DNAJC6: variants seen among roughly 807,000 people sequenced by gnomAD.
DNAJC6 encodes the protein auxilin.
DNAJC6 carries 34 observed loss-of-function variants against 110.0 expected under a neutral mutation model. The observed-to-expected ratio is 0.31, with a 90% CI of 0.24 to 0.41. DNAJC6 has a LOEUF of 0.41. Among genes scored for constraint, DNAJC6 ranks in the 10% least tolerant of loss-of-function variants. The probability of loss-of-function intolerance (pLI) is 1.00; values close to 1 mark genes in which losing one functional copy is unlikely to be tolerated. For missense variants in DNAJC6, 1,031 were observed against 1,207.8 expected, an observed-to-expected ratio of 0.85 and a Z score of 2.17; for synonymous variants, 406 against 437.2, an observed-to-expected ratio of 0.93 and a Z score of 0.89.
chr1:65,324,660 CTT>C (rs1018502807), intron 1 of DNAJC6, among the ~76,000 whole-genome samples: 1 of 152,138 alleles, frequency 6.6e-6, no homozygotes, highest in African/African-American at 2.4e-5. Context: ...CACCCAGCCT[CTT>C]TTTCTTGTTT....
At chr1:65,287,600 T>C (rs898506290) in intron 1 of DNAJC6, among the ~76,000 whole-genome samples, 2 of 152,128 alleles carry the variant, frequency 1.3e-5, no homozygotes, top group Non-Finnish European at 2.9e-5. Flanking sequence ...TGCCATTTAA[T>C]CTCTTTTATT....
chr1:65,336,686 A>G (rs984937924), intron 1 of DNAJC6, among the ~76,000 whole-genome samples: 1 of 152,178 alleles, frequency 6.6e-6, no homozygotes, highest in Admixed American at 6.5e-5. Flanking sequence ...GCTGGGCATG[A>G]TAGCATGAAC....
chr1:65,408,931 A>G, intron 17 of DNAJC6, 148 bp downstream of exon 17: 1 of 999,904 alleles, frequency 1.0e-6, no homozygotes, highest in Non-Finnish European at 1.4e-6. Context: ...TAGGTGGCTT[A>G]TAAACAACAG....
At chr1:65,366,241 G>A in intron 4 of DNAJC6, 45 bp downstream of exon 4, 1 of 1,601,880 alleles carries the variant, frequency 6.2e-7, no homozygotes, top group Non-Finnish European at 8.5e-7. Flanking sequence ...AGACGTGATG[G>A]TGCTTTTCCT....
chr1:65,330,436 C>G (rs754990581), intron 1 of DNAJC6, among the ~76,000 whole-genome samples: 1 of 152,204 alleles, frequency 6.6e-6, no homozygotes, highest in Middle Eastern at 3.4e-3. Context: ...ATAACAGTGG[C>G]TTAAGCAGAT....
At position 65,406,073 on chromosome 1, in the gene DNAJC6, G is replaced by T. The variant is rs773670078; in HGVS notation, c.2431G>T (p.Val811Leu). The T allele has an allele frequency of 6.2e-6, 10 of 1,614,062 alleles. No individual in the cohort carries two copies. In the Admixed American group the frequency reaches 1.5e-4, roughly 24 times the overall value. ...SSPQNRPNYN[V>L]SFSAMPGGQN... ...TCCCCAGAACCGACCCAACTACAAC[G>T]TGAGCTTCTCAGCCATGCCTGGGGG... The change falls in exon 16 of 19, where the codon GTG (valine) becomes TTG (leucine). Residue 811 changes from valine to leucine, a missense_variant. By Grantham distance (32) the Val-to-Leu change is conservative. Coordinates refer to ENST00000371069, the MANE Select transcript of DNAJC6 (RefSeq NM_001256864.2).
intron 1 of DNAJC6, among the ~76,000 whole-genome samples, chr1:65,266,832 T>TC (rs1653348607): frequency 1.3e-5 from 2 of 152,194 alleles, no homozygotes; most frequent in South Asian, 4.1e-4. Flanking sequence ...TCCTGGTTTC[T>TC]CAGTGTATCA....
At chr1:65,398,642 C>A (rs1039744360) in intron 13 of DNAJC6, among the ~76,000 whole-genome samples, 171 bp from the exon 14 acceptor site, 1 of 152,168 alleles carries the variant, frequency 6.6e-6, no homozygotes, top group African/African-American at 2.4e-5. Flanking sequence ...GAAGGCAGAA[C>A]ATATTGAATG....
chr1:65,362,322 TAGTA>T (rs1434302603), intron 1 of DNAJC6, among the ~76,000 whole-genome samples: 1 of 152,188 alleles, frequency 6.6e-6, no homozygotes, highest in South Asian at 2.1e-4. Flanking sequence ...ACCTACCAGA[TAGTA>T]AGTGTTATAT....
intron 4 of DNAJC6, among the ~76,000 whole-genome samples, chr1:65,371,794 G>T (rs1000553176): frequency 1.3e-5 from 2 of 152,164 alleles, no homozygotes; most frequent in African/African-American, 4.8e-5. Context: ...TGTTCAAGGT[G>T]TTCAGGAAAA....
chr1:65,404,427 T>C (rs1250860230), intron 15 of DNAJC6, among the ~76,000 whole-genome samples: 1 of 152,234 alleles, frequency 6.6e-6, no homozygotes, highest in Non-Finnish European at 1.5e-5. Flanking sequence ...GAGTGAGTTT[T>C]TTTTACCCAG....
rs557473545 is a variant in DNAJC6 at position 65,405,779 on chromosome 1, C to A, written c.2228-91C>A. On this transcript the variant is annotated intron_variant, in intron 15 of 18. Transcript: ENST00000371069. ...CTTATGCTGTCAGTCAAGGGAATGA[C>A]TATTAAAGCCACTGCAAACAGTGTC... is the stretch of plus-strand genomic sequence containing the variant. The A allele has an allele frequency of 1.4e-4, 202 of 1,444,076 alleles. No homozygotes were observed. In the African/African-American group the frequency reaches 2.7e-3, roughly 19 times the overall value. 89.5% of individuals were successfully genotyped at this position (1,444,076 alleles called of 1,614,324 possible). A position where few individuals can be genotyped will look rare whatever the true frequency, so the allele number is the denominator to read the frequency against.
At chr1:65,328,647 GC>G (rs1645261661) in intron 1 of DNAJC6, among the ~76,000 whole-genome samples, 2 of 152,168 alleles carry the variant, frequency 1.3e-5, no homozygotes, top group Admixed American at 6.5e-5. Flanking sequence ...ATCCACACCT[GC>G]CACTATTCTT....
intron 11 of DNAJC6, 88 bp from the exon 12 acceptor site, chr1:65,392,343 T>C (rs1645935709): frequency 7.9e-7 from 1 of 1,271,508 alleles, no homozygotes; most frequent in Non-Finnish European, 1.1e-6. Flanking sequence ...TCCTTCTGTC[T>C]TTCTGGAATT....
intron 1 of DNAJC6, 117 bp downstream of exon 1, chr1:65,310,055 C>A: frequency 8.0e-7 from 1 of 1,249,204 alleles, no homozygotes; most frequent in Non-Finnish European, 1.0e-6. Context: ...GAGAGCCGGG[C>A]TGGAGGCGAA....
intron 18 of DNAJC6, 107 bp from the exon 19 acceptor site, chr1:65,412,817 A>G: frequency 1.0e-6 from 1 of 963,444 alleles, no homozygotes; most frequent in South Asian, 1.6e-5. Flanking sequence ...ATGGCCAAAT[A>G]GAAAAACATT....
chr1:65,312,586 G>A (rs1645111142), intron 1 of DNAJC6, among the ~76,000 whole-genome samples: 1 of 152,158 alleles, frequency 6.6e-6, no homozygotes, highest in East Asian at 1.9e-4. Context: ...ATATTAATGA[G>A]TGGAAAAAAT....
At chr1:65,363,957 A>G (rs1284264300) in intron 1 of DNAJC6, among the ~76,000 whole-genome samples, 1 of 152,108 alleles carries the variant, frequency 6.6e-6, no homozygotes. Flanking sequence ...GTTTTTCATG[A>G]TAGAAGTGAA....
At chr1:65,318,810 G>A (rs1038401284) in intron 1 of DNAJC6, among the ~76,000 whole-genome samples, 4 of 151,994 alleles carry the variant, frequency 2.6e-5, no homozygotes, top group African/African-American at 9.7e-5. Flanking sequence ...CATGGCACAC[G>A]TTTATCTATG....
Sources: gnomAD v4.1 joint callset for allele counts (sites outside exome capture counted in the v4.1 genomes callset) on GRCh38, gnomAD v4.1.1 for gene constraint, MANE v1.5 for transcripts, NCBI Gene and HGNC (gene_info 2026-07-23, HGNC 2026-07-21) for gene names.